The following AEN variants were observed in gnomAD, a reference collection of about 807,000 sequenced individuals.
AEN encodes apoptosis enhancing nuclease, also known as apoptosis-enhancing nuclease.
Under a neutral mutation model 17.7 loss-of-function variants are expected in AEN, and 21 were observed. The ratio of observed to expected loss-of-function variants is 1.19; its 90% CI spans 0.84 to 1.71. The LOEUF (loss-of-function observed/expected upper bound fraction) is 1.71. AEN is among the 40% of genes most tolerant of loss of function. AEN has a pLI of 0.00. For missense variants in AEN, 462 were observed against 435.9 expected (o/e 1.06, Z -0.53); for synonymous variants, 190 against 173.0 (o/e 1.10, Z -0.77).
At chr15:88,619,220 TA>T (rs546378491), upstream of AEN, among the ~76,000 whole-genome samples, 2 of 152,246 alleles carry the variant, frequency 1.3e-5, no homozygotes, top group South Asian at 2.1e-4. Flanking sequence ...TGGAGACTTT[TA>T]TTTCCCAAGG....
the AEN span, among the ~76,000 whole-genome samples, chr15:88,607,901 C>T: frequency 1.3e-5 from 2 of 152,216 alleles, no homozygotes; most frequent in Non-Finnish European, 2.9e-5. Context: ...TCCCTTTAGA[C>T]CAGACCAGAC....
At chr15:88,614,375 A>AT in the AEN span, among the ~76,000 whole-genome samples, 10 of 152,030 alleles carry the variant, frequency 6.6e-5, no homozygotes, top group East Asian at 1.4e-3. Context: ...TAATTACAGT[A>AT]TTTTTTGTAG....
Position 88,626,552 on chromosome 15 carries a change from T to TC in AEN, c.343_344insC (p.Cys115SerfsTer2). The TC allele has an allele frequency of 6.2e-7, 1 of 1,614,158 alleles. No homozygotes were observed. The highest frequency in any genetic ancestry group is 8.5e-7 in the Non-Finnish European group (1 of 1,180,030). On this transcript the variant is annotated frameshift_variant, in exon 2 of 4. Coordinates refer to ENST00000332810, the MANE Select transcript of AEN (RefSeq NM_022767.4). LOFTEE classifies it high-confidence loss of function. Reference sequence around the variant, plus strand: ...GCCCAGCAAGTGTGTGGCTATCGACTGTGAGATGGTGGGCACGGGACCCCG... The same window carrying TC: ...GCCCAGCAAGTGTGTGGCTATCGACTCGTGAGATGGTGGGCACGGGACCCCG...
rs1360975427 is a variant in AEN at position 88,631,695 on chromosome 15, T to C, written c.*1401T>C. ...AAGCCCATTGTTTATTCTTTGAGAA[T>C]TTGTTGTAACTTCTTCAGGATAACA... On this transcript the variant is annotated 3_prime_UTR_variant, in exon 4 of 4. Transcript: ENST00000332810. 6.5e-6 allele frequency: 1 copy of C among 152,924 alleles called. No homozygotes were observed. The highest frequency in any genetic ancestry group is 1.5e-5 in the Non-Finnish European group (1 of 68,538). 9.5% of individuals were successfully genotyped at this position (152,924 alleles called of 1,614,324 possible).
At chr15:88,626,879 T>C (rs2141372705) in intron 2 of AEN, 130 bp downstream of exon 2, 1 of 1,007,732 alleles carries the variant, frequency 9.9e-7, no homozygotes, top group African/African-American at 1.6e-5. Context: ...CTCCAAACAG[T>C]AGGTTCCTTC....
chr15:88,626,668 C>A lies in AEN; in HGVS notation c.459C>A (p.Ile153=). Residue 153 remains isoleucine, a synonymous_variant, in exon 2 of 4, where the codon ATC becomes ATA. Transcript: ENST00000332810. ...AGTACATCAGGCCTGAGATGCCCAT[C>A]GCTGACTACCGTACCCGCTGGAGTG... ...YDKYIRPEMP[I]ADYRTRWSGI... 6.2e-7 allele frequency: 1 copy of A among 1,613,928 alleles called. No homozygotes were observed. The highest frequency in any genetic ancestry group is 1.1e-5 in the South Asian group (1 of 91,088).
chr15:88,615,289 C>T, the AEN span, among the ~76,000 whole-genome samples: 1 of 152,050 alleles, frequency 6.6e-6, no homozygotes, highest in African/African-American at 2.4e-5. Flanking sequence ...AATAAAACTC[C>T]CCTCGATCAA....
chr15:88,612,024 T>G, the AEN span: 1 of 416,858 alleles, frequency 2.4e-6, no homozygotes, highest in Non-Finnish European at 4.8e-6. Context: ...AGAAAACATC[T>G]CAGGTCACCA....
At chr15:88,607,699 T>G in the AEN span, among the ~76,000 whole-genome samples, 44 of 152,370 alleles carry the variant, frequency 2.9e-4, no homozygotes, top group Non-Finnish European at 5.1e-4. Flanking sequence ...GTCTTTTCTT[T>G]TCTCCTCTTG....
intron 1 of AEN, chr15:88,621,808 G>C (rs2057791674): frequency 6.6e-6 from 1 of 152,212 alleles, no homozygotes; most frequent in Admixed American, 6.5e-5. Context: ...GTTTTTTCAG[G>C]TTTGGGCGAT....
At chr15:88,621,663 G>C (rs2057790072) in intron 1 of AEN, 1 of 152,246 alleles carries the variant, frequency 6.6e-6, no homozygotes, top group Non-Finnish European at 1.5e-5. Context: ...AGTCCTTCCC[G>C]GTGAGATCAG....
the AEN span, among the ~76,000 whole-genome samples, chr15:88,610,535 G>A: frequency 6.6e-6 from 1 of 152,010 alleles, no homozygotes; most frequent in Non-Finnish European, 1.5e-5. Flanking sequence ...CAGACCCATG[G>A]CAGAGATGTG....
At chr15:88,623,311 G>C (rs142593282) in intron 1 of AEN, among the ~76,000 whole-genome samples, 8 of 152,350 alleles carry the variant, frequency 5.3e-5, no homozygotes, top group Non-Finnish European at 1.2e-4. Flanking sequence ...GTCTGGATGA[G>C]TCAAGTCAGG....
chr15:88,626,889 C>T, intron 2 of AEN, 140 bp downstream of exon 2: 1 of 890,952 alleles, frequency 1.1e-6, no homozygotes, highest in Non-Finnish European at 1.7e-6. Flanking sequence ...TAGGTTCCTT[C>T]TCCATAGAAC....
At chr15:88,607,132 C>T in the AEN span, among the ~76,000 whole-genome samples, 2 of 152,204 alleles carry the variant, frequency 1.3e-5, no homozygotes, top group Non-Finnish European at 2.9e-5. Context: ...CCCCACTTCT[C>T]ACCTTGCCCC....
chr15:88,620,788 T>A (rs2057776822), upstream of AEN, among the ~76,000 whole-genome samples: 3 of 152,206 alleles, frequency 2.0e-5, no homozygotes, highest in African/African-American at 4.8e-5. Context: ...ATGTGTTTAT[T>A]GTGTGCATCC....
chr15:88,609,431 A>C, the AEN span, among the ~76,000 whole-genome samples: 1 of 152,224 alleles, frequency 6.6e-6, no homozygotes, highest in Admixed American at 6.5e-5. Context: ...CCCTCTTCAC[A>C]AAAGATAAAT....
chr15:88,621,218 TC>T (rs2057782082), upstream of AEN: 1 of 152,218 alleles, frequency 6.6e-6, no homozygotes, highest in South Asian at 2.1e-4. Context: ...CTCGCCCGCC[TC>T]CCCGCTGCCA....
At chr15:88,621,117 G>A (rs1277931376), upstream of AEN, among the ~76,000 whole-genome samples, 6 of 152,234 alleles carry the variant, frequency 3.9e-5, no homozygotes, top group Admixed American at 1.3e-4. Context: ...CAGGAGGTCA[G>A]TCTCCCTTCC....
Sources: gnomAD v4.1 joint callset for allele counts (sites outside exome capture counted in the v4.1 genomes callset) on GRCh38, gnomAD v4.1.1 for gene constraint, MANE v1.5 for transcripts, NCBI Gene and HGNC (gene_info 2026-07-23, HGNC 2026-07-21) for gene names.